Variants in LOC128125817 observed in about 807,000 individuals in gnomAD.
At chr1:41,594,848 C>T in the LOC128125817 span, among the ~76,000 whole-genome samples, 1 of 152,296 alleles carries the variant, frequency 6.6e-6, no homozygotes, top group East Asian at 1.9e-4. Flanking sequence ...TTTTTTCCCT[C>T]CTTTCCTCTC....
At chr1:41,611,877 C>T in the LOC128125817 span, among the ~76,000 whole-genome samples, 1 of 152,190 alleles carries the variant, frequency 6.6e-6, no homozygotes, top group African/African-American at 2.4e-5. Flanking sequence ...CTGGGAACTC[C>T]GGTTGCCTGA....
the LOC128125817 span, among the ~76,000 whole-genome samples, chr1:41,585,808 G>A: frequency 1.3e-5 from 2 of 152,324 alleles, no homozygotes; most frequent in Middle Eastern, 3.4e-3. Context: ...GTGAACTCTG[G>A]ATGGGGCCAT....
chr1:41,628,698 G>C, the LOC128125817 span: 6 of 1,191,486 alleles, frequency 5.0e-6, no homozygotes, highest in African/African-American at 9.5e-5. Flanking sequence ...ATGCAAGACA[G>C]ACCAACATGG....
the LOC128125817 span, among the ~76,000 whole-genome samples, chr1:41,594,310 C>T: frequency 6.6e-6 from 1 of 152,164 alleles, no homozygotes; most frequent in Non-Finnish European, 1.5e-5. Flanking sequence ...CCAACCTCTG[C>T]CTCCTGGGTT....
At chr1:41,627,824 C>G in the LOC128125817 span, among the ~76,000 whole-genome samples, 2 of 152,144 alleles carry the variant, frequency 1.3e-5, no homozygotes, top group South Asian at 4.1e-4. Context: ...GTCCCCAACC[C>G]CCAAGAGTCT....
the LOC128125817 span, among the ~76,000 whole-genome samples, chr1:41,624,505 T>C: frequency 1.3e-5 from 2 of 151,774 alleles, no homozygotes; most frequent in Non-Finnish European, 2.9e-5. Context: ...CGTTGAAATG[T>C]ATCTTCAGTT....
At chr1:41,622,701 C>A in the LOC128125817 span, among the ~76,000 whole-genome samples, 1 of 152,170 alleles carries the variant, frequency 6.6e-6, no homozygotes, top group Non-Finnish European at 1.5e-5. Flanking sequence ...TTTTAAGCAG[C>A]AGATAGCAGG....
the LOC128125817 span, among the ~76,000 whole-genome samples, chr1:41,585,475 G>T: frequency 6.6e-6 from 1 of 152,054 alleles, no homozygotes; most frequent in Non-Finnish European, 1.5e-5. Context: ...AGAACCACAG[G>T]CTCCGGCTCC....
At chr1:41,618,756 A>G in the LOC128125817 span, among the ~76,000 whole-genome samples, 1 of 152,240 alleles carries the variant, frequency 6.6e-6, no homozygotes, top group Non-Finnish European at 1.5e-5. Context: ...CATTTTCCAG[A>G]TGAGGAAACT....
At chr1:41,611,549 G>T in the LOC128125817 span, among the ~76,000 whole-genome samples, 5 of 152,268 alleles carry the variant, frequency 3.3e-5, no homozygotes, top group Non-Finnish European at 5.9e-5. Context: ...CATGCGCCCA[G>T]GGGCACACAT....
At chr1:41,613,232 C>T in the LOC128125817 span, among the ~76,000 whole-genome samples, 1 of 152,262 alleles carries the variant, frequency 6.6e-6, no homozygotes, top group African/African-American at 2.4e-5. Flanking sequence ...GATTTCTTTC[C>T]AGAACAGGAA....
At chr1:41,591,415 C>T in the LOC128125817 span, among the ~76,000 whole-genome samples, 1 of 152,056 alleles carries the variant, frequency 6.6e-6, no homozygotes, top group Admixed American at 6.5e-5. Flanking sequence ...GCCAAGTGGT[C>T]CTAGCAGTGG....
chr1:41,617,985 G>C, the LOC128125817 span, among the ~76,000 whole-genome samples: 17 of 151,940 alleles, frequency 1.1e-4, no homozygotes, highest in East Asian at 1.8e-3. Flanking sequence ...GCTGAGACCA[G>C]GGTCACTGGT....
the LOC128125817 span, among the ~76,000 whole-genome samples, chr1:41,619,244 G>A: frequency 1.3e-5 from 2 of 151,820 alleles, no homozygotes; most frequent in East Asian, 1.9e-4. Flanking sequence ...CTTGCTCCTC[G>A]CCTCCCTCAG....
the LOC128125817 span, among the ~76,000 whole-genome samples, chr1:41,605,788 G>A: frequency 5.4e-4 from 82 of 152,268 alleles, no homozygotes; most frequent in Non-Finnish European, 8.8e-5. Flanking sequence ...GGTCCAGTGT[G>A]GTTAGAGTGT....
the LOC128125817 span, among the ~76,000 whole-genome samples, chr1:41,596,281 G>A: frequency 6.6e-4 from 100 of 152,362 alleles, 1 homozygote; most frequent in African/African-American, 2.3e-3. Context: ...GGGCAAGGGC[G>A]CACTGCTGCT....
chr1:41,622,654 C>G, the LOC128125817 span, among the ~76,000 whole-genome samples: 4,501 of 152,334 alleles, frequency 0.03, 222 homozygotes, highest in African/African-American at 0.1. Context: ...CAAAAGAATG[C>G]TCATTCCTGC....
the LOC128125817 span, among the ~76,000 whole-genome samples, chr1:41,599,928 AAAG>A: frequency 1.3e-5 from 2 of 152,214 alleles, no homozygotes; most frequent in East Asian, 3.9e-4. Flanking sequence ...ACGTTTCTCC[AAAG>A]AAGATCTACA....
the LOC128125817 span, among the ~76,000 whole-genome samples, chr1:41,594,579 A>G: frequency 2.6e-5 from 4 of 152,204 alleles, no homozygotes; most frequent in African/African-American, 7.2e-5. Context: ...GCATTTTTGC[A>G]TAAACATATT....
Sources: allele counts gnomAD v4.1 joint callset (sites outside exome capture counted in the v4.1 genomes callset), GRCh38; gene constraint gnomAD v4.1.1; transcripts MANE v1.5.